Variants in DNAJB6 observed in about 807,000 individuals in gnomAD.
DNAJB6 encodes the protein DnaJ heat shock protein family (Hsp40) member B6, also known as dnaJ homolog subfamily B member 6.
A neutral mutation model predicts 42.7 loss-of-function variants in DNAJB6; 16 were observed. The observed-to-expected ratio is 0.37, with a 90% CI of 0.25 to 0.57. The LOEUF (loss-of-function observed/expected upper bound fraction) is 0.57. Ranked by LOEUF, DNAJB6 falls within the 20% of genes least tolerant of loss-of-function variation. DNAJB6 has a pLI of 0.74. For missense variants in DNAJB6, 347 were observed against 416.8 expected (o/e 0.83, Z 1.46); for synonymous variants, 170 against 163.5 (o/e 1.04, Z -0.30).
intron 8 of DNAJB6, among the ~76,000 whole-genome samples, chr7:157,405,035 T>C (rs1440437847): frequency 6.6e-6 from 1 of 152,210 alleles, no homozygotes; most frequent in African/African-American, 2.4e-5. Flanking sequence ...GATGGAATCC[T>C]CAGAACTGCA....
intron 2 of DNAJB6, among the ~76,000 whole-genome samples, chr7:157,359,581 C>A (rs372745416): frequency 6.6e-6 from 1 of 151,860 alleles, no homozygotes; most frequent in South Asian, 2.1e-4. Context: ...CCTAGCACTT[C>A]GAGAGGCCTA....
At chr7:157,351,926 G>A (rs1400342108) in intron 1 of DNAJB6, among the ~76,000 whole-genome samples, 2 of 152,126 alleles carry the variant, frequency 1.3e-5, no homozygotes, top group African/African-American at 2.4e-5. Flanking sequence ...CCGGGAGGTG[G>A]GGAGGTTTCA....
chr7:157,399,405 G>A (rs949406514), intron 8 of DNAJB6, among the ~76,000 whole-genome samples: 3 of 152,210 alleles, frequency 2.0e-5, no homozygotes, highest in South Asian at 2.1e-4. Flanking sequence ...GGTGGTCCAC[G>A]TAGACCGCAG....
chr7:157,379,492 G>A (rs1008235194), intron 5 of DNAJB6: 1 of 152,160 alleles, frequency 6.6e-6, no homozygotes, highest in Non-Finnish European at 1.5e-5. Context: ...CCACATGAGT[G>A]CCTTTCTCAC....
At chr7:157,350,049 G>C (rs1230396225) in intron 1 of DNAJB6, among the ~76,000 whole-genome samples, 1 of 152,144 alleles carries the variant, frequency 6.6e-6, no homozygotes, top group East Asian at 1.9e-4. Flanking sequence ...TCTGTCCCCA[G>C]AACACTGGGA....
intron 8 of DNAJB6, among the ~76,000 whole-genome samples, chr7:157,389,212 G>A (rs1801222491): frequency 6.6e-6 from 1 of 152,178 alleles, no homozygotes; most frequent in Non-Finnish European, 1.5e-5. Flanking sequence ...TGCTTATCCT[G>A]TCTTGATTAC....
At chr7:157,415,712 C>G (rs901580900) in intron 9 of DNAJB6, among the ~76,000 whole-genome samples, 8 of 151,768 alleles carry the variant, frequency 5.3e-5, no homozygotes, top group African/African-American at 1.9e-4. Context: ...GGGCTTCTAG[C>G]TCTGCCGCTG....
At chr7:157,364,171 C>T (rs937145839) in intron 3 of DNAJB6, among the ~76,000 whole-genome samples, 2 of 151,798 alleles carry the variant, frequency 1.3e-5, no homozygotes, top group African/African-American at 4.8e-5. Flanking sequence ...CGCCACTGCA[C>T]TCCAGCCTGG....
At chr7:157,408,119 AGC>A (rs1325487110) in intron 8 of DNAJB6, among the ~76,000 whole-genome samples, 10 of 152,156 alleles carry the variant, frequency 6.6e-5, no homozygotes, top group Non-Finnish European at 1.5e-4. Context: ...GACCCCTCTC[AGC>A]TCAACAGTTC....
chr7:157,360,423 TAGCC>T (rs1276089006), intron 2 of DNAJB6, among the ~76,000 whole-genome samples: 2 of 152,180 alleles, frequency 1.3e-5, no homozygotes, highest in African/African-American at 2.4e-5. Context: ...GGTGGGGACA[TAGCC>T]AGCCCTTATC....
intron 8 of DNAJB6, among the ~76,000 whole-genome samples, chr7:157,405,602 TGGG>T (rs988938588): frequency 6.6e-6 from 1 of 152,132 alleles, no homozygotes; most frequent in African/African-American, 2.4e-5. Context: ...TGTGAGGCCT[TGGG>T]GGCATGTCTG....
intron 6 of DNAJB6, among the ~76,000 whole-genome samples, chr7:157,383,878 T>A (rs975768858): frequency 3.9e-5 from 6 of 152,232 alleles, no homozygotes; most frequent in Non-Finnish European, 7.3e-5. Flanking sequence ...TGATTTTTTG[T>A]ATTTCCAATT....
chr7:157,367,748 A>G (rs985381377), intron 5 of DNAJB6, among the ~76,000 whole-genome samples: 4 of 152,156 alleles, frequency 2.6e-5, no homozygotes, highest in Admixed American at 6.6e-5. Flanking sequence ...AATCCCAGCT[A>G]CTTGGGAGGC....
At chr7:157,356,291 G>A (rs769193887) in intron 1 of DNAJB6, among the ~76,000 whole-genome samples, 2 of 152,234 alleles carry the variant, frequency 1.3e-5, no homozygotes, top group Non-Finnish European at 2.9e-5. Flanking sequence ...ATAACCTCAC[G>A]TAGTCACTCA....
intron 1 of DNAJB6, among the ~76,000 whole-genome samples, chr7:157,352,072 C>T (rs1320945899): frequency 6.6e-6 from 1 of 151,888 alleles, no homozygotes; most frequent in Non-Finnish European, 1.5e-5. Flanking sequence ...TGGCTCACGC[C>T]TGTATTCCCA....
chr7:157,407,413 C>T (rs1430073225), intron 8 of DNAJB6, among the ~76,000 whole-genome samples: 1 of 152,226 alleles, frequency 6.6e-6, no homozygotes, highest in African/African-American at 2.4e-5. Flanking sequence ...ACACCAGAAA[C>T]TTTAAATTTT....
At chr7:157,362,884 A>G (rs948341267) in intron 2 of DNAJB6, among the ~76,000 whole-genome samples, 1 of 152,150 alleles carries the variant, frequency 6.6e-6, no homozygotes, top group African/African-American at 2.4e-5. Context: ...ATCATAGCTC[A>G]CTGTAGCCTT....
At chr7:157,402,896 G>C (rs1795586015) in intron 8 of DNAJB6, among the ~76,000 whole-genome samples, 1 of 152,224 alleles carries the variant, frequency 6.6e-6, no homozygotes, top group Non-Finnish European at 1.5e-5. Context: ...CTTCTGGTCT[G>C]CCTTCGTACT....
intron 8 of DNAJB6, among the ~76,000 whole-genome samples, chr7:157,386,883 CA>C (rs112149325): frequency 0.012 from 1,648 of 132,528 alleles, 15 homozygotes; most frequent in African/African-American, 0.027. Flanking sequence ...GCCTTCATCT[CA>C]AAAAAAAAAA....
Sources: allele counts gnomAD v4.1 joint callset (sites outside exome capture counted in the v4.1 genomes callset), GRCh38; gene constraint gnomAD v4.1.1; transcripts MANE v1.5; gene names NCBI Gene and HGNC (gene_info 2026-07-23, HGNC 2026-07-21).